AKT3: variants seen among roughly 807,000 people sequenced by gnomAD.
The protein encoded by AKT3 is AKT serine/threonine kinase 3.
In AKT3, 15 loss-of-function variants were observed where a neutral mutation model predicts 65.3. That is an observed-to-expected ratio of 0.23 (90% CI 0.15 to 0.35). The LOEUF (loss-of-function observed/expected upper bound fraction) is 0.35. Among genes scored for constraint, AKT3 ranks in the 10% least tolerant of loss-of-function variants. The pLI is 1.00. For missense variants in AKT3, 243 were observed against 576.5 expected, an observed-to-expected ratio of 0.42 and a Z score of 5.92; for synonymous variants, 206 against 183.8, an observed-to-expected ratio of 1.12 and a Z score of -0.98.
chr1:243,569,627 ATTTGGTG>A (rs1288986988), intron 9 of AKT3, among the ~76,000 whole-genome samples: 1 of 152,210 alleles, frequency 6.6e-6, no homozygotes, highest in African/African-American at 2.4e-5. Flanking sequence ...ACCTAAATTT[ATTTGGTG>A]CTTTCTCATA....
chr1:243,620,734 TTC>T (rs1678686414), intron 6 of AKT3, among the ~76,000 whole-genome samples: 1 of 152,260 alleles, frequency 6.6e-6, no homozygotes, highest in East Asian at 1.9e-4. Flanking sequence ...AGCACCGTTG[TTC>T]TCTGTTAACT....
chr1:243,743,337 G>T (rs535360396), intron 2 of AKT3, among the ~76,000 whole-genome samples: 1 of 152,280 alleles, frequency 6.6e-6, no homozygotes, highest in South Asian at 2.1e-4. Flanking sequence ...AAATTTCCTG[G>T]AGAAGACTTC....
intron 2 of AKT3, among the ~76,000 whole-genome samples, chr1:243,734,135 T>A (rs1250032230): frequency 6.6e-6 from 1 of 152,218 alleles, no homozygotes; most frequent in Admixed American, 6.5e-5. Context: ...TGTACTGCTG[T>A]ATCTCCTGTA....
In AKT3 at chr1:243,503,063, T is replaced by C. The variant is rs1024690912; in HGVS notation, c.*2186A>G. On this transcript the variant is annotated 3_prime_UTR_variant, in exon 14 of 14. Coordinates refer to ENST00000673466, the MANE Select transcript of AKT3 (RefSeq NM_005465.7). The stretch of plus-strand genomic sequence containing the variant: ...TTAAAGAACATACCTTCTAGTCTAC[T>C]TTTTTGTCAAAATGAAACATTCAAC... 4.3e-6 allele frequency: 1 copy of C among 233,516 alleles called. No homozygotes were observed. The highest frequency in any genetic ancestry group is 8.5e-6 in the Non-Finnish European group (1 of 118,016). 14.5% of individuals were successfully genotyped at this position (233,516 alleles called of 1,614,324 possible).
chr1:243,818,630 T>G (rs1244546875), intron 2 of AKT3, among the ~76,000 whole-genome samples: 1 of 152,238 alleles, frequency 6.6e-6, no homozygotes, highest in African/African-American at 2.4e-5. Flanking sequence ...CAACAATTGA[T>G]GAAAACAATT....
intron 4 of AKT3, among the ~76,000 whole-genome samples, chr1:243,649,610 G>A (rs1292228455): frequency 6.6e-6 from 1 of 151,862 alleles, no homozygotes; most frequent in Non-Finnish European, 1.5e-5. Context: ...TCCCCTCCCT[G>A]TGTCCATGTG....
At chr1:243,720,562 T>C (rs1686823879) in intron 2 of AKT3, among the ~76,000 whole-genome samples, 1 of 152,056 alleles carries the variant, frequency 6.6e-6, no homozygotes, top group Non-Finnish European at 1.5e-5. Flanking sequence ...TTATCATAAA[T>C]AGGATCTCAG....
chr1:243,789,142 C>T (rs543568387), intron 2 of AKT3, among the ~76,000 whole-genome samples: 1 of 152,268 alleles, frequency 6.6e-6, no homozygotes, highest in African/African-American at 2.4e-5. Context: ...CTCTGGGAGG[C>T]CAAAGCAGGA....
At chr1:243,616,307 TAAAAAAAAAAAA>T (rs57576796) in intron 6 of AKT3, among the ~76,000 whole-genome samples, 1 of 66,754 alleles carries the variant, frequency 1.5e-5, no homozygotes, top group Non-Finnish European at 2.6e-5. Flanking sequence ...GTGCTTTTCT[TAAAAAAAAAAAA>T]AAAAAAAAAA....
intron 2 of AKT3, among the ~76,000 whole-genome samples, chr1:243,823,786 T>C (rs548622418): frequency 6.6e-6 from 1 of 152,306 alleles, no homozygotes; most frequent in African/African-American, 2.4e-5. Context: ...AAACATCCCA[T>C]GCTCATGGAT....
intron 9 of AKT3, among the ~76,000 whole-genome samples, chr1:243,568,620 C>T (rs1026110667): frequency 1.3e-5 from 2 of 152,152 alleles, no homozygotes; most frequent in African/African-American, 4.8e-5. Flanking sequence ...AAAATTGTAA[C>T]AAAAATTACT....
rs775550808 is a variant in AKT3 at position 243,505,623 on chromosome 1, TAAG to T, written c.1355-292_1355-290del. 4.9e-4 allele frequency among the ~76,000 whole-genome samples: 74 copies of T among 152,232 alleles called. 1 individual carries two copies. Among genetic ancestry groups the T allele is most frequent in the Admixed American group, 2.2e-3 (33 of 15,284 alleles). On this transcript the variant is annotated intron_variant, in intron 13 of 13. Transcript: ENST00000673466. ...TGGTATTGAAGAAAACAGAAGTTTT[TAAG>T]AAGGAGCAGTCTTCAGTAACCTTTC...
At chr1:243,525,493 CGTAAA>C (rs1033346493) in intron 12 of AKT3, among the ~76,000 whole-genome samples, 4 of 150,678 alleles carry the variant, frequency 2.7e-5, no homozygotes, top group African/African-American at 9.8e-5. Context: ...TCTTCAATGA[CGTAAA>C]GTAAAATATG....
intron 2 of AKT3, among the ~76,000 whole-genome samples, chr1:243,809,725 T>C (rs1346035708): frequency 2.0e-5 from 3 of 152,200 alleles, no homozygotes; most frequent in African/African-American, 7.2e-5. Flanking sequence ...ATCAACAGAT[T>C]ATACATTCTT....
chr1:243,783,119 A>T (rs1259287491), intron 2 of AKT3, among the ~76,000 whole-genome samples: 1 of 152,118 alleles, frequency 6.6e-6, no homozygotes, highest in Admixed American at 6.5e-5. Flanking sequence ...TTCTGGAGTG[A>T]CAAGAGTGTC....
intron 1 of AKT3, among the ~76,000 whole-genome samples, chr1:243,849,396 C>T (rs1006618921): frequency 1.5e-5 from 2 of 130,070 alleles, no homozygotes; most frequent in Non-Finnish European, 3.5e-5. Flanking sequence ...ACCCCCCCCC[C>T]CACCCCACCA....
intron 2 of AKT3, among the ~76,000 whole-genome samples, chr1:243,824,967 G>A (rs1188900789): frequency 1.3e-5 from 2 of 152,116 alleles, no homozygotes; most frequent in Non-Finnish European, 2.9e-5. Flanking sequence ...GTTCATTGCA[G>A]CACTATTCCT....
intron 10 of AKT3, among the ~76,000 whole-genome samples, chr1:243,553,540 A>C (rs1673213699): frequency 6.6e-6 from 1 of 152,202 alleles, no homozygotes; most frequent in African/African-American, 2.4e-5. Flanking sequence ...AGACAAAGTG[A>C]ATATAAAAGC....
chr1:243,515,233 A>G (rs1211675275), intron 12 of AKT3, among the ~76,000 whole-genome samples: 1 of 152,218 alleles, frequency 6.6e-6, no homozygotes, highest in African/African-American at 2.4e-5. Context: ...GGCAATTACA[A>G]ACAAAATTGC....
Sources: gnomAD v4.1 joint callset for allele counts (sites outside exome capture counted in the v4.1 genomes callset) on GRCh38, gnomAD v4.1.1 for gene constraint, MANE v1.5 for transcripts, NCBI Gene and HGNC (gene_info 2026-07-23, HGNC 2026-07-21) for gene names.